PITPNM3: variants seen among roughly 807,000 people sequenced by gnomAD.
PITPNM3 encodes membrane-associated phosphatidylinositol transfer protein 3.
Under a neutral mutation model 102.0 loss-of-function variants are expected in PITPNM3, and 26 were observed. The observed-to-expected ratio is 0.25, with a 90% CI of 0.19 to 0.35. PITPNM3 has a LOEUF of 0.35. PITPNM3 is among the 10% of genes least tolerant of loss of function. The pLI, the probability that PITPNM3 is intolerant of heterozygous loss-of-function variation, is 1.00. For missense variants in PITPNM3, 1,083 were observed against 1,346.1 expected, an observed-to-expected ratio of 0.80 and a Z score of 3.06; for synonymous variants, 578 against 558.6, an observed-to-expected ratio of 1.03 and a Z score of -0.49.
chr17:6,482,040 GTC>G (rs56855120), intron 6 of PITPNM3, among the ~76,000 whole-genome samples: 18,177 of 54,890 alleles, frequency 0.33, 3,011 homozygotes, highest in African/African-American at 0.55. Context: ...CTCTCTGTCT[GTC>G]TCTCTCTCTC....
chr17:6,472,641 ACCC>A lies in PITPNM3; in HGVS notation c.1429+13_1429+15del. The stretch of plus-strand genomic sequence containing the variant: ...CCTCCAGCTCAGCACACTCTCTCCC[ACCC>A]CCAAGAACCTACCGAGGAGGAGGGA... On this transcript the variant is annotated intron_variant, in intron 11 of 19. Transcript: ENST00000262483. This position sits in a 1 kb window ranked among gnomAD's most constrained non-coding sequence, Gnocchi z 4.1. 1 of 1,609,576 alleles carries A rather than the reference ACCC, an allele frequency of 6.2e-7. No homozygotes were observed.
At chr17:6,479,062 C>T in intron 6 of PITPNM3, 1 of 347,362 alleles carries the variant, frequency 2.9e-6, no homozygotes, top group Non-Finnish European at 5.4e-6. Context: ...AAGAAGTCAG[C>T]TGAGGACCCA....
intron 4 of PITPNM3, among the ~76,000 whole-genome samples, chr17:6,491,836 T>TATAAAA (rs148932496): frequency 3.6e-5 from 5 of 139,288 alleles, no homozygotes; most frequent in East Asian, 4.2e-4. Context: ...TATATATATA[T>TATAAAA]AATAAAGAAT....
intron 1 of PITPNM3, among the ~76,000 whole-genome samples, chr17:6,545,434 C>T (rs1009032961): frequency 1.3e-5 from 2 of 152,144 alleles, no homozygotes; most frequent in South Asian, 2.1e-4. Flanking sequence ...CCCCTGCCCA[C>T]GCTCGTGAGG....
At chr17:6,548,337 A>T (rs1309232075) in intron 1 of PITPNM3, among the ~76,000 whole-genome samples, 3 of 152,208 alleles carry the variant, frequency 2.0e-5, no homozygotes, top group African/African-American at 7.2e-5. Flanking sequence ...ACTGCTCCAG[A>T]TTATACTATA....
At chr17:6,509,986 C>T (rs898726115) in intron 3 of PITPNM3, among the ~76,000 whole-genome samples, 4 of 151,688 alleles carry the variant, frequency 2.6e-5, no homozygotes, top group African/African-American at 7.3e-5. Flanking sequence ...CCTAGCTCCA[C>T]ACCTCACCCC....
chr17:6,530,454 C>G (rs554204664), intron 2 of PITPNM3, among the ~76,000 whole-genome samples: 1 of 152,358 alleles, frequency 6.6e-6, no homozygotes, highest in South Asian at 2.1e-4. Flanking sequence ...CCCAGCTCCT[C>G]AGGCCCCAGC....
intron 2 of PITPNM3, among the ~76,000 whole-genome samples, chr17:6,532,106 A>G (rs1272017791): frequency 7.2e-6 from 1 of 139,268 alleles, no homozygotes. Flanking sequence ...AACTCCGTCT[A>G]AAAAAAAAAA....
chr17:6,462,167 A>G (rs1904494851), intron 17 of PITPNM3, among the ~76,000 whole-genome samples: 1 of 152,164 alleles, frequency 6.6e-6, no homozygotes, highest in African/African-American at 2.4e-5. Context: ...TGTCCTAAAG[A>G]CGAAAGGAGT....
chr17:6,492,633 G>A (rs1269488738), intron 4 of PITPNM3, among the ~76,000 whole-genome samples: 1 of 152,080 alleles, frequency 6.6e-6, no homozygotes, highest in East Asian at 2.0e-4. Context: ...AAGGTGGGTG[G>A]ATCAGTTGAG....
intron 2 of PITPNM3, among the ~76,000 whole-genome samples, chr17:6,527,272 T>C (rs1337073887): frequency 2.0e-5 from 3 of 152,236 alleles, no homozygotes; most frequent in Non-Finnish European, 2.9e-5. Flanking sequence ...TCAATTCTCA[T>C]GTTAGATTGA....
intron 3 of PITPNM3, among the ~76,000 whole-genome samples, chr17:6,505,791 A>G (rs1044714301): frequency 3.9e-5 from 6 of 152,242 alleles, no homozygotes; most frequent in Non-Finnish European, 1.5e-5. Flanking sequence ...AGAGATGAGG[A>G]AGTCAGAGTG....
In PITPNM3 at chr17:6,478,565, C is replaced by T. The variant is rs1305746794; in HGVS notation, c.759G>A (p.Gly253=). Residue 253 remains glycine (G), a synonymous_variant, in exon 7 of 20, where the codon GGG becomes GGA. Transcript: ENST00000262483. The surrounding 1 kb of genome is among the most constrained non-coding windows in gnomAD (Gnocchi z 4.4). ...VYREFLKSSD[G]IGFSGQVCLI... is the part of the protein sequence containing the mutation. ...GTCCTACCTGCCCACTGAAGCCAAT[C>T]CCATCAGAGGACTTCAGGAACTCTC... The T allele has an allele frequency of 6.2e-7, 1 of 1,614,074 alleles. No homozygotes were observed. Among genetic ancestry groups the T allele is most frequent in the South Asian group, 1.1e-5 (1 of 91,078 alleles).
chr17:6,480,638 G>C (rs1429580236), intron 6 of PITPNM3: 1 of 152,272 alleles, frequency 6.6e-6, no homozygotes, highest in Non-Finnish European at 1.5e-5. Flanking sequence ...AGGGGGACAG[G>C]CAGAACAGAG....
chr17:6,474,706 C>T, intron 9 of PITPNM3, 102 bp from the exon 10 acceptor site: 1 of 1,368,148 alleles, frequency 7.3e-7, no homozygotes. Flanking sequence ...CGTGAAGTGC[C>T]CAACCCTCCA....
In PITPNM3 at chr17:6,455,058, C is replaced by G. The variant is rs1406593567; in HGVS notation, c.*280G>C. On this transcript the variant is annotated 3_prime_UTR_variant, in exon 20 of 20. Coordinates refer to ENST00000262483, the MANE Select transcript of PITPNM3 (RefSeq NM_031220.4). ...GCTTCAGCCCCGGGCAAGCCTGCCC[C>G]CAGGATGACACAAACATGAACCCTG... 4.1e-6 allele frequency: 2 copies of G among 487,350 alleles called. No individual in the cohort carries two copies. Among genetic ancestry groups the G allele is most frequent in the Non-Finnish European group, 7.1e-6 (2 of 279,762 alleles). 30.2% of individuals were successfully genotyped at this position (487,350 alleles called of 1,614,324 possible). A position where few individuals can be genotyped will look rare whatever the true frequency, so the allele number is the denominator to read the frequency against.
At chr17:6,481,209 C>G (rs1905650139) in intron 6 of PITPNM3, 1 of 151,828 alleles carries the variant, frequency 6.6e-6, no homozygotes, top group Admixed American at 6.6e-5. Flanking sequence ...ATCCCCATGG[C>G]TAGTATCTCC....
chr17:6,468,197 G>C lies in PITPNM3; in HGVS notation c.1890+28C>G. 1.2e-6 allele frequency: 2 copies of C among 1,604,066 alleles called. No individual in the cohort carries two copies. The highest frequency in any genetic ancestry group is 2.1e-4 in the Middle Eastern group (1 of 4,730). On this transcript the variant is annotated intron_variant, in intron 14 of 19. Coordinates refer to ENST00000262483, the MANE Select transcript of PITPNM3 (RefSeq NM_031220.4). The surrounding 1 kb of genome is among the most constrained non-coding windows in gnomAD (Gnocchi z 5.2). ...CCACCTCCCGGAGGACACAGTCCCA[G>C]CCACATGCGAACTGAGCATGCACGC...
At position 6,474,656 on chromosome 17, in the gene PITPNM3, T is replaced by C. The variant is rs181637272; in HGVS notation, c.1086-52A>G. ...GGGCAGGTCAGGGAAGGACCGAGAA[T>C]GCGGGAGTGTTCACACAGCAGCGCA... On this transcript the variant is annotated intron_variant, in intron 9 of 19. Transcript: ENST00000262483. 2.2e-4 allele frequency: 335 copies of C among 1,527,218 alleles called. 2 individuals are homozygous for C. The African/African-American group carries it at 3.7e-3, about 17-fold the overall frequency. 94.6% of individuals were successfully genotyped at this position (1,527,218 alleles called of 1,614,324 possible). A position where few individuals can be genotyped will look rare whatever the true frequency, so the allele number is the denominator to read the frequency against.
Sources: allele counts gnomAD v4.1 joint callset (sites outside exome capture counted in the v4.1 genomes callset), GRCh38; gene constraint gnomAD v4.1.1; non-coding constraint Gnocchi (gnomAD v3.1); transcripts MANE v1.5; gene names NCBI Gene and HGNC (gene_info 2026-07-23, HGNC 2026-07-21).